Variants in SMARCA4 observed in about 807,000 individuals in gnomAD.
The protein encoded by SMARCA4 is SWI/SNF related BAF chromatin remodeling complex subunit ATPase 4.
In SMARCA4, 31 loss-of-function variants were observed where a neutral mutation model predicts 193.9. That is an observed-to-expected ratio of 0.16 (90% CI 0.12 to 0.22). SMARCA4 has a LOEUF of 0.22. Among genes scored for constraint, SMARCA4 ranks in the 10% least tolerant of loss-of-function variants. The pLI is 1.00. For synonymous variants in SMARCA4, 942 were observed against 933.1 expected (o/e 1.01, Z -0.17); for missense variants, 1,148 against 2,296.0 (o/e 0.50, Z 10.22).
Position 11,060,107 on chromosome 19 carries a change from G to T in SMARCA4, c.4831G>T (p.Gly1611Cys). The change falls in exon 34 of 35, where the codon GGC (glycine) becomes TGC (cysteine). Residue 1611 changes from glycine (G) to cysteine (C), a missense_variant. This residue lies in a region of SMARCA4 where 105 missense variants were observed against 133.7 expected (regional missense o/e 0.79). Coordinates refer to ENST00000344626, the MANE Select transcript of SMARCA4 (RefSeq NM_003072.5). ...RKEKAQDRLK[G>C]GRRRPSRGSR... ...GGAGAAGGCACAGGACCGGCTGAAG[G>T]GCGGCCGGCGGCGGCCGAGCCGAGG... The T allele has an allele frequency of 6.4e-7, 1 of 1,551,018 alleles. No homozygotes were observed. Among genetic ancestry groups the T allele is most frequent in the Non-Finnish European group, 8.7e-7 (1 of 1,146,998 alleles).
intron 29 of SMARCA4, among the ~76,000 whole-genome samples, chr19:11,037,359 G>A (rs897502444): frequency 1.3e-5 from 2 of 152,178 alleles, no homozygotes; most frequent in Admixed American, 6.5e-5. Flanking sequence ...ATCCCAGCAC[G>A]TATGAAGTGC....
Position 11,033,102 on chromosome 19 carries a change from C to T in SMARCA4, c.3547-188C>T, listed in dbSNP as rs2075041231. 1.5e-6 allele frequency: 1 copy of T among 664,876 alleles called. No individual in the cohort carries two copies. Among genetic ancestry groups the T allele is most frequent in the African/African-American group, 1.8e-5 (1 of 56,598 alleles). 41.2% of individuals were successfully genotyped at this position (664,876 alleles called of 1,614,324 possible). A position where few individuals can be genotyped will look rare whatever the true frequency, so the allele number is the denominator to read the frequency against. On this transcript the variant is annotated intron_variant, in intron 25 of 34. Transcript: ENST00000344626. The surrounding 1 kb of genome is among the most constrained non-coding windows in gnomAD (Gnocchi z 9.8). The stretch of plus-strand genomic sequence containing the variant: ...GGAGGAACGTGATGAGAGTCCCCTT[C>T]CCCCGAGGGACACATGGCGGCCCAG...
rs1599972392 is a variant in SMARCA4, at chr19:10,987,913, G to A, written c.1107G>A (p.Glu369=). Reference sequence around the variant, plus strand: ...TCGACCCTGTGGAGATCCTGCAGGAGCGCGAGTACAGGTGAGGGCGGGGCC... The same window carrying A: ...TCGACCCTGTGGAGATCCTGCAGGAACGCGAGTACAGGTGAGGGCGGGGCC... The part of the protein sequence containing the change: ...RGLDPVEILQ[E]REYRLQARIA... Residue 369 remains glutamate, a synonymous_variant, in exon 6 of 35, where the codon GAG becomes GAA. Coordinates refer to ENST00000344626, the MANE Select transcript of SMARCA4 (RefSeq NM_003072.5). This position sits in a 1 kb window ranked among gnomAD's most constrained non-coding sequence, Gnocchi z 5.3. 1.5e-5 allele frequency: 24 copies of A among 1,612,804 alleles called. No individual in the cohort carries two copies. The highest frequency in any genetic ancestry group is 2.0e-5 in the Non-Finnish European group (24 of 1,179,950).
intron 11 of SMARCA4, among the ~76,000 whole-genome samples, chr19:11,001,579 T>G (rs2087641500): frequency 6.6e-6 from 1 of 152,200 alleles, no homozygotes; most frequent in South Asian, 2.1e-4. Context: ...CTCCTCCCAG[T>G]GATCCCAGAG....
intron 30 of SMARCA4, among the ~76,000 whole-genome samples, chr19:11,046,238 A>C (rs111941891): frequency 2.0e-5 from 3 of 151,570 alleles, no homozygotes; most frequent in African/African-American, 2.4e-5. Flanking sequence ...AAAAAAAAAA[A>C]CCCCAAATCT....
At chr19:11,010,072 T>C (rs2088672545) in intron 14 of SMARCA4, among the ~76,000 whole-genome samples, 1 of 152,154 alleles carries the variant, frequency 6.6e-6, no homozygotes, top group South Asian at 2.1e-4. Flanking sequence ...GTGATCCACC[T>C]GCTTCAGCCT....
At chr19:11,021,664 C>T (rs748236745) in intron 18 of SMARCA4, 61 bp from the exon 19 acceptor site, 1 of 1,554,744 alleles carries the variant, frequency 6.4e-7, no homozygotes, top group Non-Finnish European at 8.7e-7. Context: ...GTGGGAGATT[C>T]TCCCCATGTG....
chr19:11,016,267 C>T (rs1290996723), intron 16 of SMARCA4, among the ~76,000 whole-genome samples: 2 of 152,022 alleles, frequency 1.3e-5, no homozygotes, highest in Non-Finnish European at 2.9e-5. Context: ...CGAGGGTTCA[C>T]GAGGCCGTTC....
intron 11 of SMARCA4, 106 bp from the exon 12 acceptor site, chr19:11,002,923 C>T (rs2087790510): frequency 5.4e-6 from 7 of 1,286,570 alleles, no homozygotes; most frequent in Non-Finnish European, 7.9e-6. Flanking sequence ...GTTTGCCTGC[C>T]ATTTTCTGTG....
At chr19:11,059,608 G>A in intron 32 of SMARCA4, 145 bp from the exon 33 acceptor site, 4 of 877,462 alleles carry the variant, frequency 4.6e-6, no homozygotes, top group Non-Finnish European at 5.5e-6. Context: ...TGGGTGGGCT[G>A]AAGCCCCGAC....
intron 18 of SMARCA4, chr19:11,021,400 A>G: frequency 2.3e-6 from 1 of 430,806 alleles, no homozygotes; most frequent in Non-Finnish European, 4.5e-6. Context: ...TTCTGCCAGA[A>G]CGTGCTCGGC....
chr19:10,984,462 TG>T lies in SMARCA4; in HGVS notation c.222+95del. On this transcript the variant is annotated intron_variant, in intron 2 of 34. Transcript: ENST00000344626. This position sits in a 1 kb window ranked among gnomAD's most constrained non-coding sequence, Gnocchi z 4.3. Reference sequence around the variant, plus strand: ...TGGACCGAGGGCCTTACTTGGAGGATGGGGGGAAGCCTTCTTGTTGGAGGTG... The same window carrying T: ...TGGACCGAGGGCCTTACTTGGAGGATGGGGGAAGCCTTCTTGTTGGAGGTG... 6.5e-7 allele frequency: 1 copy of T among 1,547,482 alleles called. No individual in the cohort carries two copies. Among genetic ancestry groups the T allele is most frequent in the Non-Finnish European group, 8.7e-7 (1 of 1,146,122 alleles).
chr19:11,046,726 C>T (rs899200154), intron 30 of SMARCA4, among the ~76,000 whole-genome samples: 2 of 152,076 alleles, frequency 1.3e-5, no homozygotes, highest in Admixed American at 1.3e-4. Flanking sequence ...GGCTGTGAGG[C>T]TTGTGGATCC....
In SMARCA4 at chr19:11,060,100, G is replaced by A. The variant is rs1418317045; in HGVS notation, c.4824G>A (p.Arg1608=). Residue 1608 remains arginine (R), a synonymous_variant, in exon 34 of 35, where the codon CGG becomes CGA. Transcript: ENST00000344626. Reference sequence around the variant, plus strand: ...GCCGGAAGGAGAAGGCACAGGACCGGCTGAAGGGCGGCCGGCGGCGGCCGA... The same window carrying A: ...GCCGGAAGGAGAAGGCACAGGACCGACTGAAGGGCGGCCGGCGGCGGCCGA... ...KLGRKEKAQD[R]LKGGRRRPSR... The A allele has an allele frequency of 6.4e-7, 1 of 1,552,284 alleles. No homozygotes were observed. The highest frequency in any genetic ancestry group is 8.7e-7 in the Non-Finnish European group (1 of 1,147,466).
Position 11,058,966 on chromosome 19 carries a change from CTG to C in SMARCA4, c.4635+78_4635+79del. The C allele has an allele frequency of 1.7e-6, 2 of 1,155,142 alleles. No individual in the cohort carries two copies. Among genetic ancestry groups the C allele is most frequent in the Non-Finnish European group, 2.6e-6 (2 of 774,794 alleles). 71.6% of individuals were successfully genotyped at this position (1,155,142 alleles called of 1,614,324 possible). ...GACCCAACCCGCCCCTCCTTCCCTT[CTG>C]AATTGATGGGTTAAAAACAAGTCCC... On this transcript the variant is annotated intron_variant, in intron 32 of 34. Transcript: ENST00000344626. The surrounding 1 kb of genome is among the most constrained non-coding windows in gnomAD (Gnocchi z 5.8).
chr19:11,009,109 C>A (rs2088557958), intron 14 of SMARCA4, among the ~76,000 whole-genome samples: 1 of 137,272 alleles, frequency 7.3e-6, no homozygotes, highest in Non-Finnish European at 1.5e-5. Flanking sequence ...GCAACCTCCA[C>A]CTCCTGGGTT....
intron 29 of SMARCA4, among the ~76,000 whole-genome samples, chr19:11,037,795 TA>T (rs2075354911): frequency 6.6e-6 from 1 of 152,168 alleles, no homozygotes; most frequent in African/African-American, 2.4e-5. Context: ...CATTTTGAGT[TA>T]AATTTTATAC....
At position 11,031,223 on chromosome 19, in the gene SMARCA4, C is replaced by T; in HGVS notation, c.3546+330C>T. The T allele has an allele frequency of 2.6e-6, 1 of 386,012 alleles. No homozygotes were observed. Among genetic ancestry groups the T allele is most frequent in the Non-Finnish European group, 5.0e-6 (1 of 200,690 alleles). The allele number at this position is 386,012 out of a possible 1,614,324, so 23.9% of individuals were successfully genotyped here. ...ATCTGCGCCGTCACTGTGGGGCGGCCCCTGCAGTGTGCCCTGTGAGCACAC... is the reference window on the plus strand; with the variant it reads ...ATCTGCGCCGTCACTGTGGGGCGGCTCCTGCAGTGTGCCCTGTGAGCACAC... On this transcript the variant is annotated intron_variant, in intron 25 of 34. Coordinates refer to ENST00000344626, the MANE Select transcript of SMARCA4 (RefSeq NM_003072.5). This position sits in a 1 kb window ranked among gnomAD's most constrained non-coding sequence, Gnocchi z 4.3.
rs1421095572 is a variant in SMARCA4 at position 11,033,592 on chromosome 19, T to C, written c.3774+75T>C. ...GTGAGCGGCTTTCATTTTTGTTTTT[T>C]TACCTTTTTTGCACTCTTATTTTTT... On this transcript the variant is annotated intron_variant, in intron 26 of 34. Transcript: ENST00000344626. The surrounding 1 kb of genome is among the most constrained non-coding windows in gnomAD (Gnocchi z 9.8). 4.1e-6 allele frequency: 5 copies of C among 1,213,634 alleles called. No individual in the cohort carries two copies. In the Admixed American group the frequency reaches 6.9e-5, roughly 17 times the overall value. The allele number at this position is 1,213,634 out of a possible 1,614,324, so 75.2% of individuals were successfully genotyped here.
Sources: gnomAD v4.1 joint callset for allele counts (sites outside exome capture counted in the v4.1 genomes callset) on GRCh38, gnomAD v4.1.1 for gene constraint, gnomAD v4.1.1 regional missense constraint, Gnocchi (gnomAD v3.1) non-coding constraint, MANE v1.5 for transcripts, NCBI Gene and HGNC (gene_info 2026-07-23, HGNC 2026-07-21) for gene names.